Variants in GLCE observed in about 807,000 individuals in gnomAD.
GLCE encodes the protein glucuronic acid epimerase, also known as D-glucuronyl C5-epimerase.
Under a neutral mutation model 47.9 loss-of-function variants are expected in GLCE, and 19 were observed. The ratio of observed to expected loss-of-function variants is 0.40; its 90% CI spans 0.28 to 0.58. GLCE has a LOEUF of 0.58. GLCE is among the 20% of genes least tolerant of loss of function. The pLI, the probability that GLCE is intolerant of heterozygous loss-of-function variation, is 0.48. For missense variants in GLCE, 556 were observed against 743.3 expected (o/e 0.75, Z 2.93); for synonymous variants, 245 against 263.4 (o/e 0.93, Z 0.68).
intron 1 of GLCE, among the ~76,000 whole-genome samples, chr15:69,166,932 A>G: frequency 9.3e-6 from 1 of 107,636 alleles, no homozygotes; most frequent in African/African-American, 3.2e-5. Context: ...AAAAAAAAAA[A>G]AGGCCGGGTG....
At chr15:69,209,998 G>T (rs1029640380) in intron 1 of GLCE, among the ~76,000 whole-genome samples, 11 of 152,056 alleles carry the variant, frequency 7.2e-5, no homozygotes, top group African/African-American at 2.7e-4. Context: ...ACACTTCCTT[G>T]TGAGTCCTAA....
intron 1 of GLCE, among the ~76,000 whole-genome samples, chr15:69,173,424 G>T (rs1047425881): frequency 3.9e-5 from 6 of 152,202 alleles, no homozygotes; most frequent in African/African-American, 1.4e-4. Flanking sequence ...AAACATGAAG[G>T]GTTGGCACAT....
At chr15:69,208,589 T>C (rs2052183108) in intron 1 of GLCE, among the ~76,000 whole-genome samples, 1 of 152,088 alleles carries the variant, frequency 6.6e-6, no homozygotes, top group Non-Finnish European at 1.5e-5. Flanking sequence ...ATTTTAAAAA[T>C]AGTTTTGTCT....
intron 1 of GLCE, among the ~76,000 whole-genome samples, chr15:69,208,198 A>G (rs559941262): frequency 9.9e-5 from 15 of 152,166 alleles, no homozygotes; most frequent in East Asian, 1.9e-4. Flanking sequence ...TTGATGTCAT[A>G]TCTCAGAACT....
intron 2 of GLCE, among the ~76,000 whole-genome samples, chr15:69,216,645 A>G (rs987141151): frequency 9.9e-5 from 15 of 152,214 alleles, no homozygotes; most frequent in Non-Finnish European, 1.8e-4. Flanking sequence ...TGTTTGCTGT[A>G]TAACAAATAG....
At chr15:69,180,336 A>G (rs980747773) in intron 1 of GLCE, among the ~76,000 whole-genome samples, 1 of 152,214 alleles carries the variant, frequency 6.6e-6, no homozygotes, top group Non-Finnish European at 1.5e-5. Flanking sequence ...CTCAGTGAAC[A>G]AAACAGACAA....
At position 69,167,967 on chromosome 15, in the gene GLCE, C is replaced by G. The variant is rs575375529; in HGVS notation, c.-105+7210C>G. ...TCTCCCTCCTTCACTTCCTTCAGGTCTTAATTAAAGTATTATCCTTTATCT... is the reference window on the plus strand; with the variant it reads ...TCTCCCTCCTTCACTTCCTTCAGGTGTTAATTAAAGTATTATCCTTTATCT... On this transcript the variant is annotated intron_variant, in intron 1 of 4. Coordinates refer to ENST00000261858, the MANE Select transcript of GLCE (RefSeq NM_015554.3). 7.9e-5 allele frequency among the ~76,000 whole-genome samples: 12 copies of G among 152,010 alleles called. No homozygotes were observed. The South Asian group carries it at 2.5e-3, about 32-fold the overall frequency.
chr15:69,256,070 T>TG lies in GLCE; in HGVS notation c.269dup (p.Phe91LeufsTer3). 6.2e-7 allele frequency: 1 copy of TG among 1,614,046 alleles called. No homozygotes were observed. Among genetic ancestry groups the TG allele is most frequent in the Non-Finnish European group, 8.5e-7 (1 of 1,179,968 alleles). Reference sequence around the variant, plus strand: ...AACAGCAGAAAGCACCCCCTGTTGTTGGGGGCTTCAATAGCAATGTGGGAA... The same window carrying TG: ...AACAGCAGAAAGCACCCCCTGTTGTTGGGGGGCTTCAATAGCAATGTGGGAA... On this transcript the variant is annotated frameshift_variant, in exon 3 of 5. Transcript: ENST00000261858. LOFTEE classifies it high-confidence loss of function.
chr15:69,225,232 C>T (rs2052429941), intron 2 of GLCE, among the ~76,000 whole-genome samples: 1 of 151,564 alleles, frequency 6.6e-6, no homozygotes, highest in Non-Finnish European at 1.5e-5. Flanking sequence ...TTCATCTGCC[C>T]TACAGTTGGC....
At chr15:69,164,743 G>A (rs942916037) in intron 1 of GLCE, among the ~76,000 whole-genome samples, 2 of 152,122 alleles carry the variant, frequency 1.3e-5, no homozygotes, top group African/African-American at 4.8e-5. Flanking sequence ...AAAGGTACAT[G>A]GCAAGTATTT....
At chr15:69,173,448 A>G (rs886945098) in intron 1 of GLCE, among the ~76,000 whole-genome samples, 1 of 152,256 alleles carries the variant, frequency 6.6e-6, no homozygotes, top group Non-Finnish European at 1.5e-5. Flanking sequence ...AGAAGGATTA[A>G]GCATATCTTT....
rs1168072692 is a variant in GLCE, at chr15:69,270,817, C to T, written c.*1573C>T. On this transcript the variant is annotated 3_prime_UTR_variant, in exon 5 of 5. Coordinates refer to ENST00000261858, the MANE Select transcript of GLCE (RefSeq NM_015554.3). ...GGCCATAGAAAAGTAAGCTTGAACT[C>T]CCAATTGATGTGACCACACTCTTCT... is the stretch of plus-strand genomic sequence containing the variant. The T allele has an allele frequency of 7.8e-6, 1 of 128,496 alleles. No individual in the cohort carries two copies. The highest frequency in any genetic ancestry group is 2.5e-5 in the African/African-American group (1 of 40,668). The allele number at this position is 128,496 out of a possible 1,614,324, so 8.0% of individuals were successfully genotyped here. A position where few individuals can be genotyped will look rare whatever the true frequency, so the allele number is the denominator to read the frequency against.
chr15:69,166,165 C>CCT (rs2140323452), intron 1 of GLCE, among the ~76,000 whole-genome samples: 1 of 152,246 alleles, frequency 6.6e-6, no homozygotes, highest in South Asian at 2.1e-4. Context: ...CTGATGTATG[C>CCT]AGGTTTTTAT....
intron 1 of GLCE, among the ~76,000 whole-genome samples, chr15:69,177,141 T>G (rs1427052866): frequency 6.6e-6 from 1 of 152,098 alleles, no homozygotes. Flanking sequence ...TGCCTCAGCC[T>G]TCCGAGTAGC....
chr15:69,200,910 T>C (rs967910318), intron 1 of GLCE, among the ~76,000 whole-genome samples: 6 of 152,108 alleles, frequency 3.9e-5, no homozygotes, highest in African/African-American at 1.2e-4. Context: ...CTTGCTTATA[T>C]GAGGTTTTGG....
Position 69,269,375 on chromosome 15 carries a change from A to G in GLCE, c.*131A>G, listed in dbSNP as rs1358116297. ...GTGGATTCTATCAAAGTGATAAGTG[A>G]TCCTTAAAACCAGCCTTCTAAAATA... On this transcript the variant is annotated 3_prime_UTR_variant, in exon 5 of 5. Transcript: ENST00000261858. The G allele has an allele frequency of 6.0e-5, 43 of 716,584 alleles. No homozygotes were observed. Among genetic ancestry groups the G allele is most frequent in the Non-Finnish European group, 8.6e-5 (37 of 431,298 alleles). The allele number at this position is 716,584 out of a possible 1,614,324, so 44.4% of individuals were successfully genotyped here.
At chr15:69,212,062 G>A (rs12916119) in intron 2 of GLCE, among the ~76,000 whole-genome samples, 105,296 of 151,742 alleles carry the variant, frequency 0.69, 37,544 homozygotes, top group Non-Finnish European at 0.77. Context: ...ATACATTTGA[G>A]TTATGAAAGA....
intron 1 of GLCE, among the ~76,000 whole-genome samples, chr15:69,209,572 CAA>C (rs1245130980): frequency 1.3e-5 from 2 of 152,032 alleles, no homozygotes. Flanking sequence ...TCATAATTCT[CAA>C]AGTCTGTGTA....
At chr15:69,208,725 T>C (rs1252331379) in intron 1 of GLCE, among the ~76,000 whole-genome samples, 1 of 152,100 alleles carries the variant, frequency 6.6e-6, no homozygotes, top group Non-Finnish European at 1.5e-5. Flanking sequence ...TTGACATCTT[T>C]ACAATGTTGA....
Sources: allele counts gnomAD v4.1 joint callset (sites outside exome capture counted in the v4.1 genomes callset), GRCh38; gene constraint gnomAD v4.1.1; transcripts MANE v1.5; gene names NCBI Gene and HGNC (gene_info 2026-07-23, HGNC 2026-07-21).